The following QSOX2 variants were observed in gnomAD, a reference collection of about 807,000 sequenced individuals.
The protein encoded by QSOX2 is quiescin sulfhydryl oxidase 2, also known as sulfhydryl oxidase 2.
A neutral mutation model predicts 61.7 loss-of-function variants in QSOX2; 46 were observed. The ratio of observed to expected loss-of-function variants is 0.75; its 90% CI spans 0.59 to 0.95. The LOEUF (loss-of-function observed/expected upper bound fraction) is 0.95. Ranked by LOEUF, QSOX2 falls within the 40% of genes least tolerant of loss-of-function variation. The pLI is 0.00. For synonymous variants in QSOX2, 383 were observed against 388.4 expected (o/e 0.99, Z 0.16); for missense variants, 879 against 918.9 (o/e 0.96, Z 0.56).
intron 1 of QSOX2, among the ~76,000 whole-genome samples, chr9:136,228,183 A>G (rs1271114955): frequency 6.6e-6 from 1 of 152,142 alleles, no homozygotes; most frequent in African/African-American, 2.4e-5. Flanking sequence ...CCCAGAGGCA[A>G]GCGACGCCTC....
chr9:136,213,250 T>G (rs1233638125), intron 10 of QSOX2, among the ~76,000 whole-genome samples: 4 of 146,968 alleles, frequency 2.7e-5, no homozygotes, highest in Admixed American at 6.7e-5. Flanking sequence ...TGTGTTTTTT[T>G]TTTTTTTTTT....
In QSOX2 at chr9:136,224,190, C is replaced by T; in HGVS notation, c.479-78G>A. On this transcript the variant is annotated intron_variant, in intron 3 of 11. Coordinates refer to ENST00000358701, the MANE Select transcript of QSOX2 (RefSeq NM_181701.4). ...CAGGCATACACCCAGGGACAGCAGC[C>T]CCGTCCCAGCCTGGGGCCCAAAGAC... The T allele has an allele frequency of 2.7e-6, 3 of 1,123,426 alleles. No individual in the cohort carries two copies. The South Asian group carries it at 4.1e-5, about 15-fold the overall frequency. 69.6% of individuals were successfully genotyped at this position (1,123,426 alleles called of 1,614,324 possible).
At chr9:136,224,838 A>G in intron 3 of QSOX2, 23 bp downstream of exon 3, 1 of 1,546,354 alleles carries the variant, frequency 6.5e-7, no homozygotes, top group East Asian at 2.3e-5. Flanking sequence ...TCAGGGACTA[A>G]AATACAATGC....
intron 1 of QSOX2, among the ~76,000 whole-genome samples, chr9:136,230,761 C>T (rs910155985): frequency 4.6e-5 from 7 of 152,186 alleles, no homozygotes; most frequent in Non-Finnish European, 7.3e-5. Flanking sequence ...AGCTGGAAGG[C>T]GCCTGGGAGA....
rs1831979541 is a variant in QSOX2 at position 136,221,457 on chromosome 9, A to G, written c.821+339T>C. 1.3e-5 allele frequency among the ~76,000 whole-genome samples: 2 copies of G among 152,222 alleles called. No individual in the cohort carries two copies. The highest frequency in any genetic ancestry group is 6.5e-5 in the Admixed American group (1 of 15,284). ...TGCATCCCAAGAGTCCACCCAGAGC[A>G]GGGTTTTAGGAGCATCGGCTGCTCC... On this transcript the variant is annotated intron_variant, in intron 6 of 11. Transcript: ENST00000358701. The surrounding 1 kb of genome is among the most constrained non-coding windows in gnomAD (Gnocchi z 4.5).
Position 136,216,735 on chromosome 9 carries a change from G to A in QSOX2, c.1087-13C>T, listed in dbSNP as rs200390324. 6 of 1,612,700 alleles carry A rather than the reference G, an allele frequency of 3.7e-6. No individual in the cohort carries two copies. In the Admixed American group the frequency reaches 1.0e-4, roughly 27 times the overall value. The stretch of plus-strand genomic sequence containing the variant: ...GTCCAGGGAACAGCTGCATGAGGAA[G>A]GAGCCACCTGAGAGCTACAGACCCA... On this transcript the variant is annotated splice_polypyrimidine_tract_variant and intron_variant, in intron 8 of 11. Transcript: ENST00000358701.
At chr9:136,211,495 C>T (rs913998412) in intron 10 of QSOX2, 43 bp from the exon 11 acceptor site, 20 of 1,591,554 alleles carry the variant, frequency 1.3e-5, no homozygotes, top group Non-Finnish European at 1.7e-5. Flanking sequence ...GGTGCGTGGG[C>T]ATCACCTGAC....
chr9:136,217,158 C>T (rs931636376), intron 8 of QSOX2, among the ~76,000 whole-genome samples: 10 of 152,246 alleles, frequency 6.6e-5, no homozygotes, highest in South Asian at 4.1e-4. Context: ...GTATGAAGGG[C>T]GCGCGGCAGT....
chr9:136,238,920 AG>A (rs1197436500), intron 1 of QSOX2, among the ~76,000 whole-genome samples: 1 of 152,188 alleles, frequency 6.6e-6, no homozygotes, highest in African/African-American at 2.4e-5. Flanking sequence ...TAGGACGCTG[AG>A]GCAGGAGGGT....
intron 1 of QSOX2, among the ~76,000 whole-genome samples, chr9:136,235,302 G>C (rs955198035): frequency 6.6e-6 from 1 of 152,236 alleles, no homozygotes; most frequent in Non-Finnish European, 1.5e-5. Context: ...ACGTCCCCAC[G>C]ACGGCCACAC....
At chr9:136,243,368 T>C (rs1237600537) in intron 1 of QSOX2, among the ~76,000 whole-genome samples, 1 of 152,248 alleles carries the variant, frequency 6.6e-6, no homozygotes, top group Non-Finnish European at 1.5e-5. Context: ...CCAAGGCTGC[T>C]GCCTGTGAGG....
rs568295273 is a variant in QSOX2, at chr9:136,226,956, C to T, written c.329-82G>A. On this transcript the variant is annotated intron_variant, in intron 1 of 11. Coordinates refer to ENST00000358701, the MANE Select transcript of QSOX2 (RefSeq NM_181701.4). ...AGGACCCAGCAGTCCCCACTCCAGG[C>T]TGCGGCCACCTGCGAGACCAGCCCA... is the stretch of plus-strand genomic sequence containing the variant. 3.1e-5 allele frequency: 34 copies of T among 1,110,816 alleles called. No homozygotes were observed. The South Asian group carries it at 3.7e-4, about 12-fold the overall frequency. 68.8% of individuals were successfully genotyped at this position (1,110,816 alleles called of 1,614,324 possible). A position where few individuals can be genotyped will look rare whatever the true frequency, so the allele number is the denominator to read the frequency against.
chr9:136,213,948 A>T lies in QSOX2; in HGVS notation c.1360+1206T>A, dbSNP rs1023009190. On this transcript the variant is annotated intron_variant, in intron 10 of 11. Transcript: ENST00000358701. ...CAGCCGAGCCCAGCCCAAACTGCTGATCCACAGCATGATAAGCAAACAGTG... is the reference window on the plus strand; with the variant it reads ...CAGCCGAGCCCAGCCCAAACTGCTGTTCCACAGCATGATAAGCAAACAGTG... Among the ~76,000 whole-genome samples, 3 of 140,060 alleles carry T rather than the reference A, an allele frequency of 2.1e-5. No homozygotes were observed. The Admixed American group carries it at 2.2e-4, about 10-fold the overall frequency. The allele number at this position is 140,060 out of a possible 152,430, so 91.9% of individuals were successfully genotyped here.
Position 136,224,899 on chromosome 9 carries a change from G to A in QSOX2, c.440C>T (p.Ala147Val). 6.2e-7 allele frequency: 1 copy of A among 1,604,812 alleles called. No homozygotes were observed. Among genetic ancestry groups the A allele is most frequent in the Non-Finnish European group, 8.5e-7 (1 of 1,174,606 alleles). Residue 147 changes from alanine (A) to valine (V), a missense_variant, in exon 3 of 12, where the codon GCA becomes GTA. By Grantham distance (64) the Ala-to-Val change is moderately conservative (BLOSUM62 0). Coordinates refer to ENST00000358701, the MANE Select transcript of QSOX2 (RefSeq NM_181701.4). ...HFYPTFRYFKAFTKEFTTGEN... is the reference protein window; with the variant it reads ...HFYPTFRYFKVFTKEFTTGEN... ...TCCAGTTGTAAACTCCTTTGTAAAT[G>A]CTTTAAAATACTAAGAGGAAAAACA...
At position 136,221,658 on chromosome 9, in the gene QSOX2, GC is replaced by G; in HGVS notation, c.821+137del. On this transcript the variant is annotated intron_variant, in intron 6 of 11. Transcript: ENST00000358701. This position sits in a 1 kb window ranked among gnomAD's most constrained non-coding sequence, Gnocchi z 4.5. ...CAATACCCACGGGCTGAGAGCCAGG[GC>G]CCAAATCTGCCCAGGGAAGCGAGGC... The G allele has an allele frequency of 1.2e-6, 1 of 855,970 alleles. No homozygotes were observed. The highest frequency in any genetic ancestry group is 3.6e-4 in the Middle Eastern group (1 of 2,748). The allele number at this position is 855,970 out of a possible 1,614,324, so 53.0% of individuals were successfully genotyped here. A position where few individuals can be genotyped will look rare whatever the true frequency, so the allele number is the denominator to read the frequency against.
rs1830241652 is a variant in QSOX2, at chr9:136,223,126, C to T, written c.675+637G>A. On this transcript the variant is annotated intron_variant, in intron 5 of 11. Transcript: ENST00000358701. This position sits in a 1 kb window ranked among gnomAD's most constrained non-coding sequence, Gnocchi z 4.4. Reference sequence around the variant, plus strand: ...TCACCGCAAGGCCCCTCACAGTGGACAGAAAAACAGTCGCCTATCAAGTTG... The same window carrying T: ...TCACCGCAAGGCCCCTCACAGTGGATAGAAAAACAGTCGCCTATCAAGTTG... 6.6e-6 allele frequency among the ~76,000 whole-genome samples: 1 copy of T among 152,192 alleles called. No individual in the cohort carries two copies. The highest frequency in any genetic ancestry group is 2.4e-5 in the African/African-American group (1 of 41,448).
intron 1 of QSOX2, among the ~76,000 whole-genome samples, chr9:136,233,911 C>T (rs142716164): frequency 1.3e-5 from 2 of 152,334 alleles, no homozygotes; most frequent in African/African-American, 4.8e-5. Flanking sequence ...ACACAGAAAC[C>T]GTTTAGAGAA....
At chr9:136,225,655 T>C (rs1273776695) in intron 2 of QSOX2, among the ~76,000 whole-genome samples, 1 of 152,178 alleles carries the variant, frequency 6.6e-6, no homozygotes, top group Non-Finnish European at 1.5e-5. Context: ...GTGGCTTCTC[T>C]CCCAGCCTCA....
chr9:136,242,279 C>T (rs1283290108), intron 1 of QSOX2, among the ~76,000 whole-genome samples: 15 of 152,376 alleles, frequency 9.8e-5, no homozygotes, highest in East Asian at 1.9e-4. Context: ...ACAAAGGTGC[C>T]CTGGCCTGTC....
Sources: allele counts gnomAD v4.1 joint callset (sites outside exome capture counted in the v4.1 genomes callset), GRCh38; gene constraint gnomAD v4.1.1; non-coding constraint Gnocchi (gnomAD v3.1); transcripts MANE v1.5; gene names NCBI Gene and HGNC (gene_info 2026-07-23, HGNC 2026-07-21).